Variants in TSPEAR observed in about 807,000 individuals in gnomAD.
The protein encoded by TSPEAR is thrombospondin type laminin G domain and EAR repeats.
A neutral mutation model predicts 71.6 loss-of-function variants in TSPEAR; 69 were observed. That is an observed-to-expected ratio of 0.96 (90% CI 0.79 to 1.18). TSPEAR has a LOEUF of 1.18. Ranked by LOEUF, TSPEAR falls within the 50% of genes most tolerant of loss-of-function variation. The probability of loss-of-function intolerance (pLI) is 0.00; values close to 1 mark genes in which losing one functional copy is unlikely to be tolerated. For synonymous variants in TSPEAR, 402 were observed against 387.2 expected (o/e 1.04, Z -0.45); for missense variants, 971 against 894.9 (o/e 1.09, Z -1.09).
intron 1 of TSPEAR, chr21:44,637,535 C>G: frequency 1.2e-6 from 2 of 1,613,614 alleles, no homozygotes; most frequent in South Asian, 2.2e-5. Flanking sequence ...CAGCTTGACC[C>G]TGGTCTGCAC....
chr21:44,572,048 G>A (rs183477090), intron 1 of TSPEAR, among the ~76,000 whole-genome samples: 9 of 152,344 alleles, frequency 5.9e-5, no homozygotes, highest in South Asian at 2.1e-4. Context: ...CGGCGGCACC[G>A]CGAGGGATGG....
intron 1 of TSPEAR, chr21:44,647,609 AAAG>A (rs1473923699): frequency 6.9e-5 from 39 of 564,236 alleles, no homozygotes; most frequent in Admixed American, 6.8e-4. Flanking sequence ...CCAATGTGAC[AAAG>A]AAGAACTGCT....
intron 11 of TSPEAR, among the ~76,000 whole-genome samples, chr21:44,503,171 G>A (rs1479388012): frequency 7.0e-6 from 1 of 142,734 alleles, no homozygotes; most frequent in Admixed American, 7.0e-5. Context: ...GTGAGCCCTT[G>A]GGTGGAAGCC....
chr21:44,601,652 C>T (rs1980929362), intron 1 of TSPEAR: 1 of 1,613,354 alleles, frequency 6.2e-7, no homozygotes, highest in African/African-American at 1.3e-5. Flanking sequence ...CGCCCAGCCT[C>T]CTGTGTGTCT....
At chr21:44,510,325 C>CTT (rs2052333034) in intron 9 of TSPEAR, among the ~76,000 whole-genome samples, 1 of 152,222 alleles carries the variant, frequency 6.6e-6, no homozygotes, top group Non-Finnish European at 1.5e-5. Context: ...GGCTGTGTCT[C>CTT]TTCCTGACTC....
chr21:44,642,610 G>A lies in TSPEAR; in HGVS notation c.82+68823C>T, dbSNP rs587690916. On this transcript the variant is annotated intron_variant, in intron 1 of 11. Transcript: ENST00000323084. The surrounding 1 kb of genome is among the most constrained non-coding windows in gnomAD (Gnocchi z 4.1). Reference sequence around the variant, plus strand: ...TGTAATCCCAGCACTTTGAGAGGCCGAGGCAGGCAGATCACGAGGTCAGGA... The same window carrying A: ...TGTAATCCCAGCACTTTGAGAGGCCAAGGCAGGCAGATCACGAGGTCAGGA... Among the ~76,000 whole-genome samples, 84 of 152,294 alleles carry A rather than the reference G, an allele frequency of 5.5e-4. 2 individuals are homozygous for A. Among genetic ancestry groups the A allele is most frequent in the African/African-American group, 2.0e-3 (82 of 41,560 alleles).
At chr21:44,633,426 T>C (rs1326487712) in intron 1 of TSPEAR, among the ~76,000 whole-genome samples, 1 of 152,200 alleles carries the variant, frequency 6.6e-6, no homozygotes. Flanking sequence ...GTTTGTTATA[T>C]TGTCACTGTC....
chr21:44,610,587 C>A (rs1981597829), intron 1 of TSPEAR, among the ~76,000 whole-genome samples: 3 of 152,252 alleles, frequency 2.0e-5, no homozygotes, highest in Admixed American at 2.0e-4. Context: ...TACGGCAGTG[C>A]AGAAGGGAAA....
At chr21:44,598,241 A>G (rs1386112076) in intron 1 of TSPEAR, among the ~76,000 whole-genome samples, 1 of 152,180 alleles carries the variant, frequency 6.6e-6, no homozygotes, top group Non-Finnish European at 1.5e-5. Flanking sequence ...CTCTCCCATT[A>G]TGCATCCATT....
At chr21:44,660,822 C>T (rs1240494681) in intron 1 of TSPEAR, among the ~76,000 whole-genome samples, 2 of 151,992 alleles carry the variant, frequency 1.3e-5, no homozygotes, top group East Asian at 3.9e-4. Context: ...CAAAAATCAG[C>T]CAGGCATGGT....
chr21:44,529,665 G>GC, intron 5 of TSPEAR, 133 bp downstream of exon 5: 20 of 1,015,972 alleles, frequency 2.0e-5, no homozygotes, highest in East Asian at 5.0e-5. Flanking sequence ...TATGACCGCT[G>GC]CCCCCCGTAG....
intron 1 of TSPEAR, chr21:44,628,107 G>A: frequency 1.3e-6 from 2 of 1,567,486 alleles, no homozygotes; most frequent in Non-Finnish European, 1.7e-6. Context: ...CCAGTCCTTG[G>A]ACCTCCCAGC....
Position 44,539,379 on chromosome 21 carries a change from A to G in TSPEAR, c.304-5456T>C, listed in dbSNP as rs782284531. 18 of 1,612,614 alleles carry G rather than the reference A, an allele frequency of 1.1e-5. No individual in the cohort carries two copies. The Admixed American group carries it at 2.7e-4, about 24-fold the overall frequency. On this transcript the variant is annotated intron_variant, in intron 2 of 11. Transcript: ENST00000323084. The stretch of plus-strand genomic sequence containing the variant: ...GCCGGGCGGCAGCAGCTGGCCTGGC[A>G]GGAGGAGGCAGGGGCACAGCAGGAG...
chr21:44,697,388 T>A lies in TSPEAR; in HGVS notation c.82+14045A>T, dbSNP rs781986596. On this transcript the variant is annotated intron_variant, in intron 1 of 11. Transcript: ENST00000323084. ...AGTGAGCCGTGTATCCAGCCCCTGCTGCCGAGTGACCTGTGAGCCCAGCCC... is the reference window on the plus strand; with the variant it reads ...AGTGAGCCGTGTATCCAGCCCCTGCAGCCGAGTGACCTGTGAGCCCAGCCC... 1.1e-5 allele frequency: 18 copies of A among 1,613,424 alleles called. No individual in the cohort carries two copies. In the Middle Eastern group the frequency reaches 7.1e-4, roughly 63 times the overall value.
Position 44,612,525 on chromosome 21 carries a change from C to T in TSPEAR, c.83-44520G>A. On this transcript the variant is annotated intron_variant, in intron 1 of 11. Transcript: ENST00000323084. This position sits in a 1 kb window ranked among gnomAD's most constrained non-coding sequence, Gnocchi z 4.1. ...TGCGTGTCCATCTGCTCTGGAGCTT[C>T]CTCCCCATGCTGCCAGCAGTCTAGC... 2 of 1,610,124 alleles carry T rather than the reference C, an allele frequency of 1.2e-6. No homozygotes were observed. The highest frequency in any genetic ancestry group is 4.5e-5 in the East Asian group (2 of 44,880).
At chr21:44,529,070 C>G (rs369023773) in intron 5 of TSPEAR, among the ~76,000 whole-genome samples, 1 of 152,318 alleles carries the variant, frequency 6.6e-6, no homozygotes, top group East Asian at 1.9e-4. Context: ...CACCTGCCAG[C>G]CGGTGCTGGC....
intron 1 of TSPEAR, chr21:44,677,048 C>A: frequency 1.3e-6 from 1 of 781,308 alleles, no homozygotes; most frequent in South Asian, 1.4e-5. Context: ...TCATCCTGAG[C>A]TTGGCCCACC....
intron 1 of TSPEAR, among the ~76,000 whole-genome samples, chr21:44,690,274 G>T (rs186931835): frequency 5.3e-5 from 8 of 152,302 alleles, no homozygotes; most frequent in Middle Eastern, 3.4e-3. Flanking sequence ...AATGATGAGC[G>T]GATGCACAAA....
At chr21:44,500,275 C>T (rs1437382920) in intron 11 of TSPEAR, among the ~76,000 whole-genome samples, 3 of 152,190 alleles carry the variant, frequency 2.0e-5, no homozygotes, top group East Asian at 3.9e-4. Flanking sequence ...TTCCCCAGGG[C>T]CCCCCTCAAA....
Sources: gnomAD v4.1 joint callset for allele counts (sites outside exome capture counted in the v4.1 genomes callset) on GRCh38, gnomAD v4.1.1 for gene constraint, Gnocchi (gnomAD v3.1) non-coding constraint, MANE v1.5 for transcripts, NCBI Gene and HGNC (gene_info 2026-07-23, HGNC 2026-07-21) for gene names.